Variants in ADARB2 observed in about 807,000 individuals in gnomAD.
ADARB2 encodes adenosine deaminase RNA specific B2 (inactive).
ADARB2 carries 25 observed loss-of-function variants against 62.2 expected under a neutral mutation model. The observed-to-expected ratio is 0.40, with a 90% CI of 0.29 to 0.56. The LOEUF (loss-of-function observed/expected upper bound fraction) is 0.56. Among genes scored for constraint, ADARB2 ranks in the 20% least tolerant of loss-of-function variants. The pLI, the probability that ADARB2 is intolerant of heterozygous loss-of-function variation, is 0.43. For missense variants in ADARB2, 1,071 were observed against 1,077.4 expected (o/e 0.99, Z 0.08); for synonymous variants, 572 against 500.8 (o/e 1.14, Z -1.90).
chr10:1,225,179 T>C (rs1016718872), intron 6 of ADARB2, among the ~76,000 whole-genome samples: 1 of 152,220 alleles, frequency 6.6e-6, no homozygotes, highest in East Asian at 1.9e-4. Flanking sequence ...AATGGCCTTC[T>C]TTGTCTCTTT....
intron 1 of ADARB2, among the ~76,000 whole-genome samples, chr10:1,468,734 C>A (rs996767393): frequency 6.6e-6 from 1 of 152,198 alleles, no homozygotes; most frequent in Non-Finnish European, 1.5e-5. Context: ...CTCAGACCCC[C>A]GGCTACCTTT....
rs116262930 is a variant in ADARB2, at chr10:1,607,553, G to A, written c.100+129498C>T. Reference sequence around the variant, plus strand: ...TCCCAGACACCAGGCACCAGCTACCGAAGCCCTATTCACCTGCAGACATGG... The same window carrying A: ...TCCCAGACACCAGGCACCAGCTACCAAAGCCCTATTCACCTGCAGACATGG... On this transcript the variant is annotated intron_variant, in intron 1 of 9. Coordinates refer to ENST00000381312, the MANE Select transcript of ADARB2 (RefSeq NM_018702.4). Among the ~76,000 whole-genome samples the A allele has an allele frequency of 4.6e-3, 704 of 152,102 alleles. 6 individuals are homozygous for A. Among genetic ancestry groups the A allele is most frequent in the African/African-American group, 0.016 (676 of 41,408 alleles).
At chr10:1,673,069 C>G (rs1834412204) in intron 1 of ADARB2, among the ~76,000 whole-genome samples, 1 of 152,142 alleles carries the variant, frequency 6.6e-6, no homozygotes, top group Non-Finnish European at 1.5e-5. Context: ...GTCGGCTGGA[C>G]CAAATGGGCT....
intron 1 of ADARB2, among the ~76,000 whole-genome samples, chr10:1,688,786 T>C (rs926306733): frequency 2.0e-5 from 3 of 152,358 alleles, no homozygotes; most frequent in Middle Eastern, 3.4e-3. Flanking sequence ...TGACCCTGTC[T>C]CATCACTGAC....
chr10:1,668,290 T>C lies in ADARB2; in HGVS notation c.100+68761A>G, dbSNP rs117802009. ...ATTTTTCTTTTGCATGTGTTACAACTCATTAGAACCCAGTCATGTGACATA... is the reference window on the plus strand; with the variant it reads ...ATTTTTCTTTTGCATGTGTTACAACCCATTAGAACCCAGTCATGTGACATA... On this transcript the variant is annotated intron_variant, in intron 1 of 9. Coordinates refer to ENST00000381312, the MANE Select transcript of ADARB2 (RefSeq NM_018702.4). Among the ~76,000 whole-genome samples the C allele has an allele frequency of 4.4e-4, 67 of 152,306 alleles. 1 individual carries two copies. In the East Asian group the frequency reaches 0.013, roughly 29 times the overall value.
intron 1 of ADARB2, among the ~76,000 whole-genome samples, chr10:1,503,440 C>A (rs557449691): frequency 6.6e-6 from 1 of 152,034 alleles, no homozygotes; most frequent in Admixed American, 6.5e-5. Flanking sequence ...CTTGTGCCCC[C>A]AAAGACCTTG....
intron 1 of ADARB2, among the ~76,000 whole-genome samples, chr10:1,383,477 T>A (rs1467800893): frequency 2.0e-5 from 3 of 151,962 alleles, no homozygotes. Context: ...GAAAGGCACA[T>A]GTGGATATGC....
intron 1 of ADARB2, among the ~76,000 whole-genome samples, chr10:1,654,306 G>T (rs191392206): frequency 1.5e-3 from 225 of 152,222 alleles, no homozygotes; most frequent in African/African-American, 5.2e-3. Flanking sequence ...GGAAGTGCAC[G>T]CCTCCCCCGA....
intron 3 of ADARB2, among the ~76,000 whole-genome samples, chr10:1,275,773 T>C (rs1464374367): frequency 6.6e-6 from 1 of 151,892 alleles, no homozygotes; most frequent in Non-Finnish European, 1.5e-5. Flanking sequence ...CTTTTGACTT[T>C]GCAATAGTTT....
chr10:1,695,116 C>A (rs1301065004), intron 1 of ADARB2, among the ~76,000 whole-genome samples: 3 of 152,166 alleles, frequency 2.0e-5, no homozygotes, highest in African/African-American at 7.2e-5. Context: ...CGCATCTGTT[C>A]AGCAGACGGT....
At position 1,209,642 on chromosome 10, in the gene ADARB2, C is replaced by CA. The variant is rs1242458674; in HGVS notation, c.1682+7308dup. 2.1e-4 allele frequency among the ~76,000 whole-genome samples: 32 copies of CA among 151,120 alleles called. 1 individual carries two copies. Among genetic ancestry groups the CA allele is most frequent in the Non-Finnish European group, 3.0e-5 (2 of 67,766 alleles). ...CATCACCCACACCCACATCCACACT[C>CA]ATGCCCATGCCTGCACCGTCACCCA... On this transcript the variant is annotated intron_variant, in intron 7 of 9. Coordinates refer to ENST00000381312, the MANE Select transcript of ADARB2 (RefSeq NM_018702.4).
chr10:1,428,132 G>A (rs1236803962), intron 1 of ADARB2, among the ~76,000 whole-genome samples: 1 of 149,636 alleles, frequency 6.7e-6, no homozygotes, highest in Non-Finnish European at 1.5e-5. Flanking sequence ...CACCACACCC[G>A]ACTAATTTTT....
At chr10:1,463,310 C>T (rs77760779) in intron 1 of ADARB2, among the ~76,000 whole-genome samples, 7,052 of 152,232 alleles carry the variant, frequency 0.046, 319 homozygotes, top group African/African-American at 0.11. Flanking sequence ...AGAATCCCTG[C>T]GTGTGGCCCT....
chr10:1,650,012 A>G (rs1053413759), intron 1 of ADARB2, among the ~76,000 whole-genome samples: 6 of 152,166 alleles, frequency 3.9e-5, no homozygotes, highest in Admixed American at 3.3e-4. Context: ...ACCTTTTCAT[A>G]ACTACAAACC....
At chr10:1,224,200 G>A (rs1410899142) in intron 6 of ADARB2, among the ~76,000 whole-genome samples, 27 of 152,144 alleles carry the variant, frequency 1.8e-4, no homozygotes, top group Non-Finnish European at 3.7e-4. Context: ...AGATTTTCTA[G>A]TTTATTTGCA....
chr10:1,188,989 G>A (rs1423719059), intron 8 of ADARB2, among the ~76,000 whole-genome samples: 1 of 152,108 alleles, frequency 6.6e-6, no homozygotes, highest in African/African-American at 2.4e-5. Flanking sequence ...CAGGTGCCCA[G>A]GCTCCAGGAG....
At chr10:1,676,141 A>T in intron 1 of ADARB2, 1 of 718,314 alleles carries the variant, frequency 1.4e-6, no homozygotes, top group Non-Finnish European at 1.7e-6. Context: ...GGTCTTGGCA[A>T]ATGTGCAATA....
intron 1 of ADARB2, among the ~76,000 whole-genome samples, chr10:1,559,092 T>A (rs1832753509): frequency 6.6e-6 from 1 of 152,206 alleles, no homozygotes; most frequent in Non-Finnish European, 1.5e-5. Flanking sequence ...CATGAGGCTT[T>A]AAGACACTGA....
At chr10:1,619,662 G>T (rs1186099532) in intron 1 of ADARB2, among the ~76,000 whole-genome samples, 1 of 152,172 alleles carries the variant, frequency 6.6e-6, no homozygotes, top group Non-Finnish European at 1.5e-5. Flanking sequence ...ATGTTGGCCA[G>T]GAGGGTCTCA....
Sources: allele counts gnomAD v4.1 joint callset (sites outside exome capture counted in the v4.1 genomes callset), GRCh38; gene constraint gnomAD v4.1.1; transcripts MANE v1.5; gene names NCBI Gene and HGNC (gene_info 2026-07-23, HGNC 2026-07-21).